Variants in ATP11B observed in about 807,000 individuals in gnomAD.
ATP11B encodes the protein ATPase phospholipid transporting 11B (putative).
ATP11B carries 81 observed loss-of-function variants against 157.8 expected under a neutral mutation model. The ratio of observed to expected loss-of-function variants is 0.51; its 90% confidence interval spans 0.43 to 0.62. ATP11B has a LOEUF of 0.62. Among genes scored for constraint, ATP11B ranks in the 20% least tolerant of loss-of-function variants. The pLI is 0.00. For synonymous variants in ATP11B, 451 were observed against 469.4 expected (o/e 0.96, Z 0.51); for missense variants, 1,165 against 1,402.2 (o/e 0.83, Z 2.70).
intron 21 of ATP11B, among the ~76,000 whole-genome samples, chr3:182,882,165 T>C (rs1256686310): frequency 6.6e-6 from 1 of 152,176 alleles, no homozygotes; most frequent in African/African-American, 2.4e-5. Flanking sequence ...TGGGAAGTTA[T>C]CAGGTCTGAT....
At chr3:182,849,069 A>G (rs1240547846) in intron 10 of ATP11B, among the ~76,000 whole-genome samples, 1 of 152,226 alleles carries the variant, frequency 6.6e-6, no homozygotes, top group Non-Finnish European at 1.5e-5. Context: ...GCAGCTGGAA[A>G]GTTAGGGGAA....
rs1725322715 is a variant in ATP11B, at chr3:182,919,371, A to G, written c.*1267A>G. 2 of 152,742 alleles carry G rather than the reference A, an allele frequency of 1.3e-5. No individual in the cohort carries two copies. Among genetic ancestry groups the G allele is most frequent in the South Asian group, 2.1e-4 (1 of 4,826 alleles). The allele number at this position is 152,742 out of a possible 1,614,324, so 9.5% of individuals were successfully genotyped here. A position where few individuals can be genotyped will look rare whatever the true frequency, so the allele number is the denominator to read the frequency against. ...AGCAATAAATTAAATGCTAAGAATG[A>G]TTAATCGGGTACATGTTACTGTAAT... On this transcript the variant is annotated 3_prime_UTR_variant, in exon 30 of 30. Coordinates refer to ENST00000323116, the MANE Select transcript of ATP11B (RefSeq NM_014616.3).
At chr3:182,860,842 A>T (rs1271224756) in intron 12 of ATP11B, among the ~76,000 whole-genome samples, 1 of 152,114 alleles carries the variant, frequency 6.6e-6, no homozygotes, top group Non-Finnish European at 1.5e-5. Context: ...TCTTGAACAT[A>T]ATCTATTCTT....
At chr3:182,810,557 A>G (rs956102585) in intron 1 of ATP11B, among the ~76,000 whole-genome samples, 1 of 152,190 alleles carries the variant, frequency 6.6e-6, no homozygotes, top group Middle Eastern at 3.4e-3. Context: ...ACAATTGTGC[A>G]TCTTCCTCCC....
intron 1 of ATP11B, among the ~76,000 whole-genome samples, chr3:182,819,256 A>G (rs1717171121): frequency 6.6e-6 from 1 of 151,812 alleles, no homozygotes; most frequent in South Asian, 2.1e-4. Flanking sequence ...ATTTTTTAGT[A>G]GAGACGGGGT....
chr3:182,837,070 G>A lies in ATP11B; in HGVS notation c.553-1G>A. On this transcript the variant is annotated splice_acceptor_variant, in intron 6 of 29. Transcript: ENST00000323116. LOFTEE classifies it high-confidence loss of function. ...TCTACAGTTTAATTCATTTTTTTCAGACACATGTGGCAGTTCCAGAAACAG... is the reference window on the plus strand; with the variant it reads ...TCTACAGTTTAATTCATTTTTTTCAAACACATGTGGCAGTTCCAGAAACAG... 1 of 1,608,324 alleles carries A rather than the reference G, an allele frequency of 6.2e-7. No homozygotes were observed. The highest frequency in any genetic ancestry group is 8.5e-7 in the Non-Finnish European group (1 of 1,177,024).
At chr3:182,875,860 C>A (rs2108553966) in intron 19 of ATP11B, among the ~76,000 whole-genome samples, 3 of 152,304 alleles carry the variant, frequency 2.0e-5, no homozygotes, top group Middle Eastern at 6.8e-3. Context: ...AACATTGTGG[C>A]TATTTAAACG....
At chr3:182,858,844 A>G (rs974370032) in intron 11 of ATP11B, among the ~76,000 whole-genome samples, 3 of 152,186 alleles carry the variant, frequency 2.0e-5, no homozygotes, top group African/African-American at 7.2e-5. Flanking sequence ...TGCAGATATT[A>G]TAATTATAAT....
rs866032541 is a variant in ATP11B at position 182,815,722 on chromosome 3, G to A, written c.28-4538G>A. On this transcript the variant is annotated intron_variant, in intron 1 of 29. Transcript: ENST00000323116. ...ATCATATGTAGGAATGCTAGAAGGCGCTGTGAACTCTAAGGATGATGTTTT... is the reference window on the plus strand; with the variant it reads ...ATCATATGTAGGAATGCTAGAAGGCACTGTGAACTCTAAGGATGATGTTTT... Among the ~76,000 whole-genome samples, 6 of 152,106 alleles carry A rather than the reference G, an allele frequency of 3.9e-5. No individual in the cohort carries two copies. In the South Asian group the frequency reaches 6.2e-4, roughly 16 times the overall value.
chr3:182,824,731 C>T (rs28663169), intron 2 of ATP11B, among the ~76,000 whole-genome samples: 5,301 of 152,236 alleles, frequency 0.035, 315 homozygotes, highest in African/African-American at 0.12. Context: ...TAAATGTTTA[C>T]GGTAAATGAG....
At chr3:182,897,592 C>CTAGATT (rs1187742334) in intron 27 of ATP11B, among the ~76,000 whole-genome samples, 186 bp downstream of exon 27, 13 of 151,798 alleles carry the variant, frequency 8.6e-5, no homozygotes, top group Non-Finnish European at 1.8e-4. Flanking sequence ...TACAATTTTT[C>CTAGATT]TAGATTTTTT....
At position 182,904,904 on chromosome 3, in the gene ATP11B, A is replaced by G. The variant is rs887509367; in HGVS notation, c.3318+6132A>G. Among the ~76,000 whole-genome samples the G allele has an allele frequency of 1.1e-3, 158 of 145,432 alleles. 1 individual carries two copies. Among genetic ancestry groups the G allele is most frequent in the African/African-American group, 3.7e-3 (142 of 38,138 alleles). ...ACTTCTTCTTAAAAAAAAAAAAAAA[A>G]AAAAAAAAGGATTAATTCAAAACTT... is the stretch of plus-strand genomic sequence containing the variant. On this transcript the variant is annotated intron_variant, in intron 28 of 29. Transcript: ENST00000323116.
chr3:182,860,827 C>T (rs936477899), intron 12 of ATP11B, among the ~76,000 whole-genome samples: 1 of 151,736 alleles, frequency 6.6e-6, no homozygotes, highest in African/African-American at 2.4e-5. Flanking sequence ...GCCTCTTATC[C>T]CATTTCTTGA....
intron 7 of ATP11B, among the ~76,000 whole-genome samples, chr3:182,839,361 G>C (rs1718815249): frequency 1.3e-5 from 2 of 152,068 alleles, no homozygotes; most frequent in African/African-American, 4.8e-5. Flanking sequence ...AAAATAATCT[G>C]TACAACAAAC....
At chr3:182,811,417 A>G (rs568162859) in intron 1 of ATP11B, among the ~76,000 whole-genome samples, 1 of 152,202 alleles carries the variant, frequency 6.6e-6, no homozygotes, top group Non-Finnish European at 1.5e-5. Context: ...TCTGCAATCC[A>G]TTACAGAATG....
intron 29 of ATP11B, chr3:182,915,290 A>AT (rs1219189053): frequency 2.0e-6 from 2 of 985,252 alleles, no homozygotes; most frequent in Middle Eastern, 5.2e-4. Flanking sequence ...TTCTGACTTG[A>AT]TTATAACGTG....
In ATP11B at chr3:182,818,152, T is replaced by TG. The variant is rs1270030754; in HGVS notation, c.28-2102dup. 2.6e-5 allele frequency among the ~76,000 whole-genome samples: 4 copies of TG among 152,242 alleles called. No individual in the cohort carries two copies. In the East Asian group the frequency reaches 5.8e-4, roughly 22 times the overall value. ...ATATTAAGAGGCAGGAGCTAGTGTT[T>TG]GGGGGGAGATGTTAACATGTTTGTG... On this transcript the variant is annotated intron_variant, in intron 1 of 29. Coordinates refer to ENST00000323116, the MANE Select transcript of ATP11B (RefSeq NM_014616.3).
intron 3 of ATP11B, among the ~76,000 whole-genome samples, chr3:182,829,191 A>C (rs1459077738): frequency 6.6e-6 from 1 of 152,180 alleles, no homozygotes; most frequent in Non-Finnish European, 1.5e-5. Context: ...GAATAGAACA[A>C]ATTTAATGGG....
At chr3:182,859,471 C>T (rs923684321) in intron 12 of ATP11B, 112 bp downstream of exon 12, 2 of 879,448 alleles carry the variant, frequency 2.3e-6, no homozygotes, top group Admixed American at 3.5e-5. Flanking sequence ...AAAACAACCC[C>T]CCTTTGCTCC....
Sources: allele counts gnomAD v4.1 joint callset (sites outside exome capture counted in the v4.1 genomes callset), GRCh38; gene constraint gnomAD v4.1.1; transcripts MANE v1.5; gene names NCBI Gene and HGNC (gene_info 2026-07-23, HGNC 2026-07-21).